Variants in SOX5 observed in about 807,000 individuals in gnomAD.
SOX5 encodes the protein transcription factor SOX-5.
Under a neutral mutation model 92.0 loss-of-function variants are expected in SOX5, and 9 were observed. The observed-to-expected ratio is 0.10, with a 90% confidence interval of 0.06 to 0.17. The LOEUF (loss-of-function observed/expected upper bound fraction) is 0.17. SOX5 is among the 10% of genes least tolerant of loss of function. The probability of loss-of-function intolerance (pLI) is 1.00; values close to 1 mark genes in which losing one functional copy is unlikely to be tolerated. For synonymous variants in SOX5, 344 were observed against 336.3 expected, an observed-to-expected ratio of 1.02 and a Z score of -0.25; for missense variants, 642 against 944.5, an observed-to-expected ratio of 0.68 and a Z score of 4.20.
At chr12:23,562,206 C>T (rs913120513) in intron 11 of SOX5, among the ~76,000 whole-genome samples, 7 of 152,108 alleles carry the variant, frequency 4.6e-5, no homozygotes, top group Admixed American at 3.9e-4. Context: ...CTATCCTTTG[C>T]TCTCTCCCCT....
chr12:24,115,528 A>AG (rs1044444541), intron 4 of SOX5, among the ~76,000 whole-genome samples: 9 of 152,204 alleles, frequency 5.9e-5, no homozygotes, highest in African/African-American at 2.2e-4. Context: ...CAGAAATGGG[A>AG]GACCCCAAGG....
chr12:23,930,417 G>T (rs555253436), intron 1 of SOX5, among the ~76,000 whole-genome samples: 1 of 151,744 alleles, frequency 6.6e-6, no homozygotes, highest in African/African-American at 2.4e-5. Context: ...ACAAAAGAAA[G>T]CTCTGTATAT....
chr12:24,162,622 C>T (rs560140501), intron 4 of SOX5, among the ~76,000 whole-genome samples: 47 of 152,234 alleles, frequency 3.1e-4, no homozygotes, highest in African/African-American at 1.1e-3. Flanking sequence ...TCCATCAGGG[C>T]AGAGCCACGA....
At chr12:23,759,433 G>C (rs949374320) in intron 3 of SOX5, among the ~76,000 whole-genome samples, 2 of 152,012 alleles carry the variant, frequency 1.3e-5, no homozygotes, top group Non-Finnish European at 2.9e-5. Flanking sequence ...GACGAGGGAA[G>C]GGGATCATAA....
intron 2 of SOX5, among the ~76,000 whole-genome samples, chr12:24,350,959 A>AG (rs1457993535): frequency 2.6e-5 from 4 of 152,130 alleles, no homozygotes; most frequent in Non-Finnish European, 5.9e-5. Flanking sequence ...TGAGAGGCTG[A>AG]GGCATGAGAA....
intron 2 of SOX5, among the ~76,000 whole-genome samples, chr12:24,361,510 C>G (rs1192182052): frequency 6.6e-6 from 1 of 152,078 alleles, no homozygotes; most frequent in Non-Finnish European, 1.5e-5. Context: ...AGCCCAAGAA[C>G]AATTCCTGGC....
chr12:23,563,120 C>T, intron 11 of SOX5, 138 bp downstream of exon 11: 2 of 676,006 alleles, frequency 3.0e-6, no homozygotes, highest in Non-Finnish European at 4.9e-6. Flanking sequence ...GCGATGAGGC[C>T]TTCTATATTA....
intron 3 of SOX5, among the ~76,000 whole-genome samples, chr12:24,224,005 T>C (rs1961226766): frequency 6.6e-6 from 1 of 152,126 alleles, no homozygotes; most frequent in Non-Finnish European, 1.5e-5. Flanking sequence ...TCGCATGAAC[T>C]AAAGTGGAAA....
chr12:23,768,797 G>T (rs988950800), intron 3 of SOX5, among the ~76,000 whole-genome samples: 1 of 151,922 alleles, frequency 6.6e-6, no homozygotes, highest in Non-Finnish European at 1.5e-5. Context: ...GATCTTTATT[G>T]CTTGACAGGG....
At chr12:23,653,580 C>A (rs1334189967) in intron 7 of SOX5, among the ~76,000 whole-genome samples, 1 of 152,088 alleles carries the variant, frequency 6.6e-6, no homozygotes, top group African/African-American at 2.4e-5. Flanking sequence ...ACATTTGTTT[C>A]TCACAGTTCT....
intron 1 of SOX5, among the ~76,000 whole-genome samples, chr12:23,915,647 C>T (rs575608245): frequency 6.6e-6 from 1 of 151,664 alleles, no homozygotes; most frequent in Non-Finnish European, 1.5e-5. Flanking sequence ...CATCCCATTA[C>T]TAGGAATTCA....
chr12:24,033,989 G>T (rs1955769494), intron 4 of SOX5, among the ~76,000 whole-genome samples: 1 of 151,982 alleles, frequency 6.6e-6, no homozygotes, highest in African/African-American at 2.4e-5. Context: ...ATCAAAGTCT[G>T]TAAGTCCAGT....
chr12:24,149,967 A>G (rs1951491827), intron 4 of SOX5, among the ~76,000 whole-genome samples: 1 of 152,214 alleles, frequency 6.6e-6, no homozygotes, highest in Non-Finnish European at 1.5e-5. Flanking sequence ...TTTGTATAAA[A>G]TTCTAGAAAA....
At chr12:24,010,032 C>A (rs1447899778) in intron 4 of SOX5, among the ~76,000 whole-genome samples, 1 of 152,112 alleles carries the variant, frequency 6.6e-6, no homozygotes, top group African/African-American at 2.4e-5. Context: ...ATTCAATCAC[C>A]CAAATCTAGT....
At chr12:23,590,989 G>A (rs1399274081) in intron 9 of SOX5, among the ~76,000 whole-genome samples, 1 of 151,724 alleles carries the variant, frequency 6.6e-6, no homozygotes. Flanking sequence ...TATTCTAAGT[G>A]GATCTTGTTT....
At chr12:24,348,795 A>C (rs367894642) in intron 2 of SOX5, among the ~76,000 whole-genome samples, 3 of 152,088 alleles carry the variant, frequency 2.0e-5, no homozygotes, top group African/African-American at 7.2e-5. Context: ...GAAGTAATTG[A>C]ATCATGGGGG....
intron 9 of SOX5, among the ~76,000 whole-genome samples, chr12:23,585,244 A>G (rs935600021): frequency 5.3e-5 from 8 of 152,156 alleles, no homozygotes; most frequent in Non-Finnish European, 1.2e-4. Flanking sequence ...TCTCCTCACC[A>G]CTTGAATTTC....
At chr12:24,346,135 G>A (rs1027105008) in intron 2 of SOX5, among the ~76,000 whole-genome samples, 1 of 152,150 alleles carries the variant, frequency 6.6e-6, no homozygotes, top group South Asian at 2.1e-4. Flanking sequence ...CTAGATTCAG[G>A]TCCTTTTATT....
At chr12:23,815,879 G>C (rs1313596165) in intron 3 of SOX5, among the ~76,000 whole-genome samples, 2 of 152,174 alleles carry the variant, frequency 1.3e-5, no homozygotes, top group Non-Finnish European at 2.9e-5. Context: ...TAAAGGGCTA[G>C]ATAGGAAATA....
Sources: allele counts gnomAD v4.1 joint callset (sites outside exome capture counted in the v4.1 genomes callset), GRCh38; gene constraint gnomAD v4.1.1; transcripts MANE v1.5; gene names NCBI Gene and HGNC (gene_info 2026-07-23, HGNC 2026-07-21).